Variants in TRHDE observed in about 807,000 individuals in gnomAD.
The protein encoded by TRHDE is thyrotropin-releasing hormone-degrading ectoenzyme.
In TRHDE, 72 loss-of-function variants were observed where a neutral mutation model predicts 125.7. That is an observed-to-expected ratio of 0.57 (90% CI 0.47 to 0.70). TRHDE has a LOEUF of 0.70. Among genes scored for constraint, TRHDE ranks in the 30% least tolerant of loss-of-function variants. TRHDE has a pLI of 0.00. For missense variants in TRHDE, 1,110 were observed against 1,327.1 expected, an observed-to-expected ratio of 0.84 and a Z score of 2.54; for synonymous variants, 509 against 509.1, an observed-to-expected ratio of 1.00 and a Z score of 0.00.
chr12:72,536,767 C>T (rs1868882622), intron 6 of TRHDE, among the ~76,000 whole-genome samples: 1 of 152,052 alleles, frequency 6.6e-6, no homozygotes, highest in Non-Finnish European at 1.5e-5. Flanking sequence ...GTCTCCTAGA[C>T]CATAAACATG....
chr12:72,100,523 TG>T (rs1407889642), intron 1 of TRHDE, among the ~76,000 whole-genome samples: 1 of 152,242 alleles, frequency 6.6e-6, no homozygotes. Flanking sequence ...AAGCTCCCAC[TG>T]GGTCCAACCC....
At chr12:72,602,403 G>T (rs906904984) in intron 12 of TRHDE, among the ~76,000 whole-genome samples, 1 of 152,084 alleles carries the variant, frequency 6.6e-6, no homozygotes, top group African/African-American at 2.4e-5. Context: ...ATAAGACAGA[G>T]AACTCTACAA....
At chr12:72,379,200 G>C (rs1336726690) in intron 3 of TRHDE, among the ~76,000 whole-genome samples, 1 of 152,222 alleles carries the variant, frequency 6.6e-6, no homozygotes, top group Non-Finnish European at 1.5e-5. Context: ...GTCTTGCAAT[G>C]AGTAGTTAGT....
At chr12:72,500,720 G>T (rs1878113571) in intron 6 of TRHDE, among the ~76,000 whole-genome samples, 1 of 151,838 alleles carries the variant, frequency 6.6e-6, no homozygotes, top group Non-Finnish European at 1.5e-5. Flanking sequence ...ACTCTGTGAG[G>T]GATAAAAAGA....
At chr12:72,578,918 C>T (rs368747053) in intron 12 of TRHDE, among the ~76,000 whole-genome samples, 1 of 151,174 alleles carries the variant, frequency 6.6e-6, no homozygotes, top group East Asian at 1.9e-4. Flanking sequence ...TTATCCTGCT[C>T]ACAGGTAAAA....
At chr12:72,373,314 T>C (rs1592397942) in intron 2 of TRHDE, among the ~76,000 whole-genome samples, 2 of 152,330 alleles carry the variant, frequency 1.3e-5, no homozygotes, top group South Asian at 4.1e-4. Flanking sequence ...GTTTTCTAGA[T>C]ATACAATTAT....
intron 2 of TRHDE, chr12:72,186,591 C>A: frequency 5.8e-6 from 1 of 171,872 alleles, no homozygotes; most frequent in South Asian, 1.8e-4. Flanking sequence ...AAGAACCCAC[C>A]AATTCCGGAC....
chr12:72,436,916 A>G (rs369426148), intron 3 of TRHDE, among the ~76,000 whole-genome samples: 94 of 151,968 alleles, frequency 6.2e-4, no homozygotes, highest in African/African-American at 2.2e-3. Context: ...CCCATCATCT[A>G]CATATTAAAT....
chr12:72,232,274 C>T lies in TRHDE; in HGVS notation n.279+126522C>T, dbSNP rs78458334. ...CCAGGCAGGTGAGCTGCTCAGCAGT[C>T]TTCGGATTGGACAGTTTGAATAACT... On this transcript the variant is annotated intron_variant and non_coding_transcript_variant, in intron 2 of 4. Coordinates refer to the TRHDE transcript ENST00000548156. Among the ~76,000 whole-genome samples the T allele has an allele frequency of 4.2e-3, 644 of 152,256 alleles. 21 individuals carry two copies. The highest frequency in any genetic ancestry group is 7.8e-3 in the East Asian group (40 of 5,158).
chr12:72,458,383 C>T (rs1029713833), intron 3 of TRHDE, among the ~76,000 whole-genome samples: 1 of 152,088 alleles, frequency 6.6e-6, no homozygotes, highest in South Asian at 2.1e-4. Context: ...GATTTTCTTT[C>T]CCCTTTTCAT....
At chr12:72,354,854 A>G (rs1870741743) in intron 2 of TRHDE, among the ~76,000 whole-genome samples, 1 of 151,446 alleles carries the variant, frequency 6.6e-6, no homozygotes, top group Non-Finnish European at 1.5e-5. Flanking sequence ...AATCAAATAC[A>G]TTCTTTGCCC....
At chr12:72,660,697 A>G (rs567990334) in intron 18 of TRHDE, among the ~76,000 whole-genome samples, 53 of 152,282 alleles carry the variant, frequency 3.5e-4, no homozygotes, top group African/African-American at 1.2e-3. Context: ...TCATCTCTGT[A>G]TCTAATTTGT....
chr12:72,215,501 G>A (rs967378954), intron 2 of TRHDE, among the ~76,000 whole-genome samples: 2 of 152,150 alleles, frequency 1.3e-5, no homozygotes, highest in African/African-American at 4.8e-5. Flanking sequence ...GAAGCACATG[G>A]GTTAGAGCCA....
At chr12:72,174,110 C>T (rs940075961) in intron 2 of TRHDE, among the ~76,000 whole-genome samples, 1 of 152,140 alleles carries the variant, frequency 6.6e-6, no homozygotes, top group Non-Finnish European at 1.5e-5. Context: ...TGCTTTGGGA[C>T]TTGCTCTCCC....
At chr12:72,630,907 C>T (rs1873468831) in intron 15 of TRHDE, among the ~76,000 whole-genome samples, 1 of 148,496 alleles carries the variant, frequency 6.7e-6, no homozygotes, top group South Asian at 2.1e-4. Context: ...AAAACCTACC[C>T]ATACTTATTT....
chr12:72,113,187 T>G lies in TRHDE; in HGVS notation n.279+7435T>G, dbSNP rs913378571. Among the ~76,000 whole-genome samples the G allele has an allele frequency of 2.6e-5, 4 of 151,400 alleles. No homozygotes were observed. In the East Asian group the frequency reaches 7.9e-4, roughly 30 times the overall value. The stretch of plus-strand genomic sequence containing the variant: ...TGCACATCACCATACCTGGCTAAAT[T>G]TTTTTTTTCTTTGTAGAGAGAGGGT... On this transcript the variant is annotated intron_variant and non_coding_transcript_variant, in intron 2 of 4. Coordinates refer to the TRHDE transcript ENST00000548156.
intron 2 of TRHDE, among the ~76,000 whole-genome samples, chr12:72,293,635 GGAGT>G (rs1880174645): frequency 6.6e-6 from 1 of 152,198 alleles, no homozygotes; most frequent in Non-Finnish European, 1.5e-5. Flanking sequence ...AAACTCATAG[GGAGT>G]GAGTTGATTG....
intron 12 of TRHDE, among the ~76,000 whole-genome samples, chr12:72,617,874 C>T (rs1176007371): frequency 2.0e-5 from 3 of 152,256 alleles, no homozygotes; most frequent in African/African-American, 7.2e-5. Flanking sequence ...GTAGAGCCCT[C>T]ATGACCTAAT....
intron 2 of TRHDE, among the ~76,000 whole-genome samples, chr12:72,359,071 T>C (rs1870948535): frequency 6.6e-6 from 1 of 150,934 alleles, no homozygotes; most frequent in South Asian, 2.1e-4. Context: ...AACAAGAGAG[T>C]TTCCTAACAT....
Sources: gnomAD v4.1 joint callset for allele counts (sites outside exome capture counted in the v4.1 genomes callset) on GRCh38, gnomAD v4.1.1 for gene constraint, MANE v1.5 for transcripts, NCBI Gene and HGNC (gene_info 2026-07-23, HGNC 2026-07-21) for gene names.